MCTP2: variants seen among roughly 807,000 people sequenced by gnomAD.
MCTP2 encodes multiple C2 and transmembrane domain containing 2.
Under a neutral mutation model 111.6 loss-of-function variants are expected in MCTP2, and 132 were observed. The observed-to-expected ratio is 1.18, with a 90% CI of 1.03 to 1.37. MCTP2 has a LOEUF of 1.37. Among genes scored for constraint, MCTP2 ranks in the 40% most tolerant of loss-of-function variants. The pLI is 0.00. For synonymous variants in MCTP2, 395 were observed against 387.7 expected (o/e 1.02, Z -0.22); for missense variants, 1,183 against 1,067.9 (o/e 1.11, Z -1.50).
At chr15:94,353,826 T>A (rs1403383277) in intron 8 of MCTP2, among the ~76,000 whole-genome samples, 1 of 152,202 alleles carries the variant, frequency 6.6e-6, no homozygotes, top group African/African-American at 2.4e-5. Context: ...CCCATGTACT[T>A]AATAAGCTAG....
chr15:94,346,092 G>C (rs2077965623), intron 8 of MCTP2, among the ~76,000 whole-genome samples: 1 of 152,114 alleles, frequency 6.6e-6, no homozygotes, highest in African/African-American at 2.4e-5. Flanking sequence ...TGGGGCCACT[G>C]CCAGCTCAAA....
intron 9 of MCTP2, among the ~76,000 whole-genome samples, chr15:94,357,569 T>G (rs1450471149): frequency 2.0e-5 from 3 of 152,022 alleles, no homozygotes; most frequent in African/African-American, 4.8e-5. Context: ...GTTTTTGTTT[T>G]TTTCCCAACC....
At chr15:94,267,954 C>T (rs1375190698) in intron 1 of MCTP2, among the ~76,000 whole-genome samples, 1 of 140,468 alleles carries the variant, frequency 7.1e-6, no homozygotes, top group Non-Finnish European at 1.5e-5. Flanking sequence ...CAAGCTCTGC[C>T]TCCTGGGTTC....
intron 2 of MCTP2, among the ~76,000 whole-genome samples, chr15:94,312,867 G>T (rs1189571696): frequency 6.6e-6 from 1 of 152,058 alleles, no homozygotes; most frequent in Non-Finnish European, 1.5e-5. Context: ...TTGCCCCCTG[G>T]TCTGGATGTT....
chr15:94,466,695 T>C (rs2073348253), intron 20 of MCTP2, among the ~76,000 whole-genome samples: 1 of 151,952 alleles, frequency 6.6e-6, no homozygotes, highest in Non-Finnish European at 1.5e-5. Context: ...AATCCCAATA[T>C]TTGGCAGAAA....
intron 20 of MCTP2, among the ~76,000 whole-genome samples, chr15:94,460,275 G>C (rs895903421): frequency 6.6e-6 from 1 of 152,216 alleles, no homozygotes; most frequent in Non-Finnish European, 1.5e-5. Context: ...AATAGGAAGA[G>C]ATAGCTGGGC....
At chr15:94,458,708 T>TAAGTC (rs1323838910) in intron 20 of MCTP2, among the ~76,000 whole-genome samples, 4 of 152,184 alleles carry the variant, frequency 2.6e-5, no homozygotes, top group Admixed American at 2.0e-4. Context: ...AATGTGAAGT[T>TAAGTC]AAGTCACCAC....
chr15:94,477,926 T>C (rs2074500443), intron 22 of MCTP2, among the ~76,000 whole-genome samples: 2 of 152,222 alleles, frequency 1.3e-5, no homozygotes, highest in Admixed American at 6.5e-5. Flanking sequence ...TGTCATCCTC[T>C]GCTCCCTTAG....
chr15:94,465,694 T>A (rs908484872), intron 20 of MCTP2, among the ~76,000 whole-genome samples: 3 of 152,162 alleles, frequency 2.0e-5, no homozygotes, highest in African/African-American at 7.2e-5. Flanking sequence ...CCTGCAGAAT[T>A]AATGATGCTT....
intron 4 of MCTP2, among the ~76,000 whole-genome samples, chr15:94,318,356 T>C (rs1484112508): frequency 1.3e-5 from 2 of 150,910 alleles, no homozygotes; most frequent in East Asian, 3.9e-4. Flanking sequence ...CAATCTTAGC[T>C]CACTGCAACC....
chr15:94,398,418 C>T (rs1040887188), intron 14 of MCTP2, among the ~76,000 whole-genome samples: 1 of 152,172 alleles, frequency 6.6e-6, no homozygotes, highest in Non-Finnish European at 1.5e-5. Flanking sequence ...TTATATACTA[C>T]CATAATACAT....
chr15:94,433,443 A>G (rs189782119), intron 17 of MCTP2, among the ~76,000 whole-genome samples: 7 of 152,312 alleles, frequency 4.6e-5, no homozygotes, highest in Admixed American at 4.6e-4. Context: ...CCAAGCTTCA[A>G]GCAATGGTCC....
intron 2 of MCTP2, among the ~76,000 whole-genome samples, chr15:94,310,307 T>C (rs2076066314): frequency 6.6e-6 from 1 of 151,966 alleles, no homozygotes; most frequent in Admixed American, 6.6e-5. Context: ...GGTTCTAGAG[T>C]TGGAAGATTT....
chr15:94,390,074 A>T (rs60859840), intron 14 of MCTP2, among the ~76,000 whole-genome samples: 2 of 25,848 alleles, frequency 7.7e-5, no homozygotes, highest in African/African-American at 1.2e-4. Flanking sequence ...ATATATATAT[A>T]TATATATATA....
chr15:94,447,437 C>T (rs894576251), intron 19 of MCTP2, among the ~76,000 whole-genome samples: 30 of 152,126 alleles, frequency 2.0e-4, no homozygotes, highest in African/African-American at 6.0e-4. Flanking sequence ...CTCTGTTGCC[C>T]GGGCAGGAGT....
chr15:94,402,021 TA>T lies in MCTP2; in HGVS notation c.2085+4del. 1.9e-6 allele frequency: 3 copies of T among 1,609,436 alleles called. No individual in the cohort carries two copies. The highest frequency in any genetic ancestry group is 2.5e-6 in the Non-Finnish European group (3 of 1,178,612). On this transcript the variant is annotated splice_donor_region_variant and intron_variant, in intron 17 of 22. Coordinates refer to ENST00000357742, the MANE Select transcript of MCTP2 (RefSeq NM_001385001.1). ...TTAAGAAGTACAATAGCATTCGCGGTAAGCTTCCTTTCTTATGTTCAAACTA... is the reference window on the plus strand; with the variant it reads ...TTAAGAAGTACAATAGCATTCGCGGTAGCTTCCTTTCTTATGTTCAAACTA...
intron 1 of MCTP2, among the ~76,000 whole-genome samples, chr15:94,272,750 G>T (rs7167962): frequency 0.022 from 3,371 of 151,816 alleles, 121 homozygotes; most frequent in African/African-American, 0.075. Flanking sequence ...CCCCTCTCTG[G>T]CTATGTCTTT....
At chr15:94,250,854 T>C (rs1217806808) in intron 1 of MCTP2, among the ~76,000 whole-genome samples, 1 of 152,226 alleles carries the variant, frequency 6.6e-6, no homozygotes, top group African/African-American at 2.4e-5. Flanking sequence ...CTTCATTGTG[T>C]TATGAAATGT....
At chr15:94,465,146 A>C (rs2073156616) in intron 20 of MCTP2, among the ~76,000 whole-genome samples, 1 of 152,042 alleles carries the variant, frequency 6.6e-6, no homozygotes, top group African/African-American at 2.4e-5. Context: ...TAGATGTTAA[A>C]ATTATTATAT....
Sources: gnomAD v4.1 joint callset for allele counts (sites outside exome capture counted in the v4.1 genomes callset) on GRCh38, gnomAD v4.1.1 for gene constraint, MANE v1.5 for transcripts, NCBI Gene and HGNC (gene_info 2026-07-23, HGNC 2026-07-21) for gene names.